Variants in GREM2 observed in about 807,000 individuals in gnomAD.
The protein encoded by GREM2 is gremlin 2, DAN family BMP antagonist.
In GREM2, 11 loss-of-function variants were observed where a neutral mutation model predicts 14.2. That is an observed-to-expected ratio of 0.78 (90% CI 0.49 to 1.28). The LOEUF is 1.28. GREM2 is among the 50% of genes most tolerant of loss of function. The pLI, the probability that GREM2 is intolerant of heterozygous loss-of-function variation, is 0.00. For synonymous variants in GREM2, 98 were observed against 97.6 expected (o/e 1.00, Z -0.02); for missense variants, 210 against 218.5 (o/e 0.96, Z 0.24).
intron 1 of GREM2, among the ~76,000 whole-genome samples, chr1:240,514,961 A>C (rs1330671072): frequency 1.2e-5 from 1 of 85,484 alleles, no homozygotes; most frequent in Non-Finnish European, 2.5e-5. Flanking sequence ...CAAACAAACA[A>C]ACACAAAAAA....
intron 1 of GREM2, chr1:240,549,723 A>ACTG (rs1185827537): frequency 3.3e-5 from 5 of 152,208 alleles, no homozygotes; most frequent in East Asian, 3.9e-4. Context: ...AGTGAGAAAG[A>ACTG]TGTGGCTCTG....
At chr1:240,505,305 A>G (rs570338958) in intron 1 of GREM2, among the ~76,000 whole-genome samples, 2 of 152,230 alleles carry the variant, frequency 1.3e-5, no homozygotes, top group African/African-American at 4.8e-5. Context: ...CCATTCTCAG[A>G]TATTTCTTTA....
intron 1 of GREM2, chr1:240,588,761 C>T (rs773548762): frequency 6.6e-6 from 1 of 152,044 alleles, no homozygotes; most frequent in Non-Finnish European, 1.5e-5. Flanking sequence ...GTTTAGGAAG[C>T]CTAAAGCTTA....
At chr1:240,533,219 G>T (rs913251167) in intron 1 of GREM2, among the ~76,000 whole-genome samples, 5 of 152,204 alleles carry the variant, frequency 3.3e-5, no homozygotes, top group Non-Finnish European at 7.3e-5. Flanking sequence ...ATAATGAAAA[G>T]TGGAGGAATA....
chr1:240,497,583 G>A (rs1366315196), intron 1 of GREM2, among the ~76,000 whole-genome samples: 1 of 150,990 alleles, frequency 6.6e-6, no homozygotes, highest in Non-Finnish European at 1.5e-5. Flanking sequence ...AAAGGGTTTG[G>A]TACTGTCGAT....
In GREM2 at chr1:240,493,074, C is replaced by T. The variant is rs562517997; in HGVS notation, c.402G>A (p.Glu134=). The T allele has an allele frequency of 6.2e-7, 1 of 1,613,000 alleles. No homozygotes were observed. Among genetic ancestry groups the T allele is most frequent in the Non-Finnish European group, 8.5e-7 (1 of 1,179,204 alleles). The change falls in exon 2 of 2, where the codon GAG becomes GAA. Residue 134 remains glutamate (E), a synonymous_variant. Transcript: ENST00000318160. ...GTGGGTCCAGGCCGGGGCACTCGAG[C>T]TCCACGAGGACGGAGGTGACGCGCT... The part of the protein sequence containing the change: ...KPQRVTSVLV[E]LECPGLDPPF...
chr1:240,504,800 AT>A (rs1247924574), intron 1 of GREM2, among the ~76,000 whole-genome samples: 7 of 152,136 alleles, frequency 4.6e-5, no homozygotes, highest in African/African-American at 1.7e-4. Context: ...TTGCTGTTAG[AT>A]TTTTTTCACG....
At position 240,591,031 on chromosome 1, in the gene GREM2, T is replaced by C. The variant is rs376790647; in HGVS notation, c.-2+20853A>G. The stretch of plus-strand genomic sequence containing the variant: ...GCCTGACCTCATGATCTGCCCTCCT[T>C]GGCCTCCCGAAGTGCTGGGATTACA... On this transcript the variant is annotated intron_variant, in intron 1 of 1. Coordinates refer to ENST00000318160, the MANE Select transcript of GREM2 (RefSeq NM_022469.4). 1.8e-4 allele frequency among the ~76,000 whole-genome samples: 27 copies of C among 148,686 alleles called. No individual in the cohort carries two copies. In the East Asian group the frequency reaches 4.4e-3, roughly 24 times the overall value.
At chr1:240,579,179 T>TG (rs1679433333) in intron 1 of GREM2, among the ~76,000 whole-genome samples, 1 of 152,164 alleles carries the variant, frequency 6.6e-6, no homozygotes, top group Non-Finnish European at 1.5e-5. Context: ...CCACTGTCTG[T>TG]GGGGAAGCTG....
intron 1 of GREM2, among the ~76,000 whole-genome samples, chr1:240,563,129 ATGTGTATG>A (rs1252831939): frequency 7.9e-5 from 10 of 126,168 alleles, no homozygotes; most frequent in African/African-American, 2.6e-4. Flanking sequence ...GTGAGTGTGT[ATGTGTATG>A]TGTGTGTGTG....
intron 1 of GREM2, among the ~76,000 whole-genome samples, chr1:240,521,436 T>TA (rs1237146441): frequency 1.3e-5 from 2 of 151,164 alleles, no homozygotes; most frequent in Admixed American, 1.3e-4. Context: ...CCGGGCATGG[T>TA]GAGGGGCGAC....
intron 1 of GREM2, among the ~76,000 whole-genome samples, chr1:240,521,297 G>C (rs6674728): frequency 6.6e-6 from 1 of 152,314 alleles, no homozygotes; most frequent in East Asian, 1.9e-4. Flanking sequence ...GGGTGGGCGC[G>C]GTGGCTCACG....
intron 1 of GREM2, among the ~76,000 whole-genome samples, chr1:240,517,774 C>T (rs1012319465): frequency 3.3e-5 from 5 of 152,114 alleles, no homozygotes; most frequent in African/African-American, 7.2e-5. Flanking sequence ...TCTGATCACA[C>T]GTAGAGGCTT....
At chr1:240,562,748 C>T (rs561968395) in intron 1 of GREM2, among the ~76,000 whole-genome samples, 18 of 148,848 alleles carry the variant, frequency 1.2e-4, no homozygotes, top group South Asian at 1.1e-3. Flanking sequence ...TATGTGTGCA[C>T]GCATATGTGT....
chr1:240,547,532 T>TATAGACAGATAGATAGATAG (rs1553275860), intron 1 of GREM2, among the ~76,000 whole-genome samples: 116 of 121,868 alleles, frequency 9.5e-4, no homozygotes, highest in African/African-American at 3.8e-3. Flanking sequence ...TATATATATA[T>TATAGACAGATAGATAGATAG]ATAGATAGAT....
chr1:240,526,226 G>A (rs557301336), intron 1 of GREM2, among the ~76,000 whole-genome samples: 10 of 152,240 alleles, frequency 6.6e-5, no homozygotes, highest in Admixed American at 4.6e-4. Flanking sequence ...CGTCTGCCAC[G>A]CCTCTCTAAC....
intron 1 of GREM2, among the ~76,000 whole-genome samples, chr1:240,556,705 G>A (rs186812290): frequency 2.1e-3 from 320 of 152,106 alleles, no homozygotes; most frequent in African/African-American, 2.7e-3. Context: ...AAGAAACAGC[G>A]CTTTGAAATT....
At chr1:240,523,194 G>A (rs1215993696) in intron 1 of GREM2, among the ~76,000 whole-genome samples, 1 of 152,174 alleles carries the variant, frequency 6.6e-6, no homozygotes, top group East Asian at 1.9e-4. Flanking sequence ...CCATATTCAA[G>A]CAATTCTCCC....
rs80061004 is a variant in GREM2, at chr1:240,547,942, G to C, written c.-1-54466C>G. Among the ~76,000 whole-genome samples, 628 of 152,050 alleles carry C rather than the reference G, an allele frequency of 4.1e-3. 5 individuals carry two copies. The highest frequency in any genetic ancestry group is 0.014 in the African/African-American group (583 of 41,498). ...TATCTGATGGGAGAAGAAAGAGAAA[G>C]GAAGGTAGGAGTGATAAATCAGTGT... is the stretch of plus-strand genomic sequence containing the variant. On this transcript the variant is annotated intron_variant, in intron 1 of 1. Coordinates refer to ENST00000318160, the MANE Select transcript of GREM2 (RefSeq NM_022469.4).
Sources: allele counts gnomAD v4.1 joint callset (sites outside exome capture counted in the v4.1 genomes callset), GRCh38; gene constraint gnomAD v4.1.1; transcripts MANE v1.5; gene names NCBI Gene and HGNC (gene_info 2026-07-23, HGNC 2026-07-21).